Variants in ZNF660 observed in about 807,000 individuals in gnomAD.
The protein encoded by ZNF660 is zinc finger protein 660.
Under a neutral mutation model 23.2 loss-of-function variants are expected in ZNF660, and 24 were observed. That is an observed-to-expected ratio of 1.04 (90% CI 0.75 to 1.46). The LOEUF (loss-of-function observed/expected upper bound fraction) is 1.46, where lower values mean the gene tolerates loss of function less well. Among genes scored for constraint, ZNF660 ranks in the 40% most tolerant of loss-of-function variants. The pLI, the probability that ZNF660 is intolerant of heterozygous loss-of-function variation, is 0.00. For missense variants in ZNF660, 373 were observed against 396.8 expected, an observed-to-expected ratio of 0.94 and a Z score of 0.51; for synonymous variants, 117 against 131.4, an observed-to-expected ratio of 0.89 and a Z score of 0.75.
At position 44,594,169 on chromosome 3, in the gene ZNF660, A is replaced by T; in HGVS notation, c.-25A>T. 6.2e-7 allele frequency: 1 copy of T among 1,612,324 alleles called. No individual in the cohort carries two copies. The highest frequency in any genetic ancestry group is 8.5e-7 in the Non-Finnish European group (1 of 1,179,402). ...AGGGAAAGAGAAGACTAGAGAGGACACTGGTATGTTCCAAGCAGGAGAAAA... is the reference window on the plus strand; with the variant it reads ...AGGGAAAGAGAAGACTAGAGAGGACTCTGGTATGTTCCAAGCAGGAGAAAA... On this transcript the variant is annotated 5_prime_UTR_variant, in exon 3 of 3. Coordinates refer to ENST00000322734, the MANE Select transcript of ZNF660 (RefSeq NM_173658.4).
rs1700593830 is a variant in ZNF660, at chr3:44,595,927, A to C, written c.*738A>C. On this transcript the variant is annotated 3_prime_UTR_variant, in exon 3 of 3. Coordinates refer to ENST00000322734, the MANE Select transcript of ZNF660 (RefSeq NM_173658.4). ...CAAGCTGACTTTAGAGTTGTCAACA[A>C]AATATATAATAACACTGTTAGGTTA... is the stretch of plus-strand genomic sequence containing the variant. The C allele has an allele frequency of 6.0e-6, 1 of 167,116 alleles. No individual in the cohort carries two copies. 10.4% of individuals were successfully genotyped at this position (167,116 alleles called of 1,614,324 possible). A position where few individuals can be genotyped will look rare whatever the true frequency, so the allele number is the denominator to read the frequency against.
intron 2 of ZNF660, among the ~76,000 whole-genome samples, chr3:44,591,640 T>C (rs1197811799): frequency 6.6e-6 from 1 of 152,108 alleles, no homozygotes; most frequent in Admixed American, 6.5e-5. Context: ...GGTAGGTAAA[T>C]TAGAAGGAAT....
chr3:44,589,705 C>G (rs1483305701), intron 2 of ZNF660, among the ~76,000 whole-genome samples: 1 of 152,298 alleles, frequency 6.6e-6, no homozygotes, highest in South Asian at 2.1e-4. Flanking sequence ...GAACTGGTTT[C>G]CCTTTGACCA....
Position 44,595,200 on chromosome 3 carries a change from T to C in ZNF660, c.*11T>C. On this transcript the variant is annotated 3_prime_UTR_variant, in exon 3 of 3. Transcript: ENST00000322734. ...AAAGAAACCTCATAAATAACAAATATTGTGGGTAGTAGGGCTGACTGCTGC... is the reference window on the plus strand; with the variant it reads ...AAAGAAACCTCATAAATAACAAATACTGTGGGTAGTAGGGCTGACTGCTGC... 3.2e-6 allele frequency: 5 copies of C among 1,549,082 alleles called. No homozygotes were observed. The highest frequency in any genetic ancestry group is 2.3e-5 in the East Asian group (1 of 44,268).
At chr3:44,590,505 A>ATT (rs1700381359) in intron 2 of ZNF660, among the ~76,000 whole-genome samples, 1 of 152,096 alleles carries the variant, frequency 6.6e-6, no homozygotes, top group African/African-American at 2.4e-5. Context: ...TTTAACCTTA[A>ATT]TTATCTCCTT....
chr3:44,590,522 C>T (rs1302485412), intron 2 of ZNF660, among the ~76,000 whole-genome samples: 1 of 152,080 alleles, frequency 6.6e-6, no homozygotes, highest in Admixed American at 6.5e-5. Context: ...CCTTAGAGGC[C>T]CCATCTCCAA....
chr3:44,598,720 A>G lies in ZNF660; in HGVS notation c.*3531A>G, dbSNP rs1229472527. The G allele has an allele frequency of 3.3e-5, 5 of 152,192 alleles. No individual in the cohort carries two copies. The highest frequency in any genetic ancestry group is 3.3e-4 in the Admixed American group (5 of 15,270). The allele number at this position is 152,192 out of a possible 1,614,324, so 9.4% of individuals were successfully genotyped here. A position where few individuals can be genotyped will look rare whatever the true frequency, so the allele number is the denominator to read the frequency against. ...TGTGTTTTCTTCACATTCTTGTTCC[A>G]ATGGAAACCGGGCTGTTCCCCAAGG... On this transcript the variant is annotated 3_prime_UTR_variant, in exon 3 of 3. Coordinates refer to ENST00000322734, the MANE Select transcript of ZNF660 (RefSeq NM_173658.4).
intron 1 of ZNF660, among the ~76,000 whole-genome samples, chr3:44,585,714 A>C (rs908217696): frequency 2.0e-5 from 3 of 152,194 alleles, no homozygotes; most frequent in African/African-American, 4.8e-5. Flanking sequence ...CACTTGACTC[A>C]GCAAAGTTCT....
chr3:44,586,412 G>A (rs912071354), intron 2 of ZNF660, 199 bp downstream of exon 2: 1 of 152,236 alleles, frequency 6.6e-6, no homozygotes, highest in Non-Finnish European at 1.5e-5. Flanking sequence ...GGGAATAAGG[G>A]TGATGTAGTA....
At position 44,596,477 on chromosome 3, in the gene ZNF660, A is replaced by G. The variant is rs938935855; in HGVS notation, c.*1288A>G. On this transcript the variant is annotated 3_prime_UTR_variant, in exon 3 of 3. Coordinates refer to ENST00000322734, the MANE Select transcript of ZNF660 (RefSeq NM_173658.4). ...ATTTTTGTGTAAGGTAGTACTTAGG[A>G]TATTTTCAGATGTATTGAACAGAAT... is the stretch of plus-strand genomic sequence containing the variant. 8 of 152,228 alleles carry G rather than the reference A, an allele frequency of 5.3e-5. No individual in the cohort carries two copies. Among genetic ancestry groups the G allele is most frequent in the Non-Finnish European group, 8.8e-5 (6 of 68,024 alleles). The allele number at this position is 152,228 out of a possible 1,614,324, so 9.4% of individuals were successfully genotyped here. A position where few individuals can be genotyped will look rare whatever the true frequency, so the allele number is the denominator to read the frequency against.
intron 2 of ZNF660, among the ~76,000 whole-genome samples, chr3:44,592,806 C>T (rs563409919): frequency 6.6e-5 from 10 of 152,282 alleles, no homozygotes; most frequent in South Asian, 4.1e-4. Context: ...GTAATCCTAG[C>T]ACTTTGGGAG....
At chr3:44,593,441 C>A (rs182482585) in intron 2 of ZNF660, among the ~76,000 whole-genome samples, 1 of 152,142 alleles carries the variant, frequency 6.6e-6, no homozygotes, top group Non-Finnish European at 1.5e-5. Flanking sequence ...GAGCTGGGTG[C>A]GGTGGCTCAT....
At chr3:44,589,882 G>A (rs1179880287) in intron 2 of ZNF660, among the ~76,000 whole-genome samples, 1 of 151,554 alleles carries the variant, frequency 6.6e-6, no homozygotes, top group Non-Finnish European at 1.5e-5. Context: ...TAAGCAGGAC[G>A]GACAAAATCC....
At chr3:44,593,531 T>G (rs1020046912) in intron 2 of ZNF660, among the ~76,000 whole-genome samples, 8 of 151,574 alleles carry the variant, frequency 5.3e-5, no homozygotes, top group African/African-American at 1.9e-4. Context: ...CTGGCCAACA[T>G]AGTGAAACCC....
chr3:44,587,691 C>T (rs1036830180), intron 2 of ZNF660, among the ~76,000 whole-genome samples: 2 of 152,236 alleles, frequency 1.3e-5, no homozygotes, highest in East Asian at 3.8e-4. Context: ...GGCTTTCTTA[C>T]AGTGCATCGC....
rs1194027909 is a variant in ZNF660 at position 44,597,650 on chromosome 3, G to T, written c.*2461G>T. 2.0e-5 allele frequency: 3 copies of T among 152,134 alleles called. No individual in the cohort carries two copies. Among genetic ancestry groups the T allele is most frequent in the African/African-American group, 7.2e-5 (3 of 41,412 alleles). 9.4% of individuals were successfully genotyped at this position (152,134 alleles called of 1,614,324 possible). ...AATTGTTGATGCTTTATATATTGCT[G>T]AGCAGATATTCTCTGACCAAAACAT... On this transcript the variant is annotated 3_prime_UTR_variant, in exon 3 of 3. Coordinates refer to ENST00000322734, the MANE Select transcript of ZNF660 (RefSeq NM_173658.4). This position sits in a 1 kb window ranked among gnomAD's most constrained non-coding sequence, Gnocchi z 4.1.
At chr3:44,593,830 G>T (rs1700517174) in intron 2 of ZNF660, among the ~76,000 whole-genome samples, 184 bp from the exon 3 acceptor site, 1 of 152,158 alleles carries the variant, frequency 6.6e-6, no homozygotes, top group Admixed American at 6.5e-5. Flanking sequence ...CTTAGCCCCT[G>T]GCTTTCCATA....
intron 2 of ZNF660, among the ~76,000 whole-genome samples, chr3:44,590,972 G>A (rs1485421235): frequency 6.6e-6 from 1 of 152,196 alleles, no homozygotes; most frequent in African/African-American, 2.4e-5. Context: ...TTGTGTGTAT[G>A]TGCCTGTGTA....
At position 44,594,160 on chromosome 3, in the gene ZNF660, A is replaced by C; in HGVS notation, c.-34A>C. On this transcript the variant is annotated 5_prime_UTR_variant, in exon 3 of 3. Transcript: ENST00000322734. The stretch of plus-strand genomic sequence containing the variant: ...CTCCTCTGAAGGGAAAGAGAAGACT[A>C]GAGAGGACACTGGTATGTTCCAAGC... 1 of 1,611,964 alleles carries C rather than the reference A, an allele frequency of 6.2e-7. No homozygotes were observed. The highest frequency in any genetic ancestry group is 1.1e-5 in the South Asian group (1 of 90,560).
Sources: gnomAD v4.1 joint callset for allele counts (sites outside exome capture counted in the v4.1 genomes callset) on GRCh38, gnomAD v4.1.1 for gene constraint, Gnocchi (gnomAD v3.1) non-coding constraint, MANE v1.5 for transcripts, NCBI Gene and HGNC (gene_info 2026-07-23, HGNC 2026-07-21) for gene names.